The following GABRA3 variants were observed in gnomAD, a reference collection of about 807,000 sequenced individuals.
GABRA3 encodes the protein gamma-aminobutyric acid receptor subunit alpha-3.
A neutral mutation model predicts 30.1 loss-of-function variants in GABRA3; 10 were observed. The observed-to-expected ratio is 0.33, with a 90% CI of 0.20 to 0.56. The LOEUF (loss-of-function observed/expected upper bound fraction) is 0.56, where lower values mean the gene tolerates loss of function less well. Ranked by LOEUF, GABRA3 falls within the 20% of genes least tolerant of loss-of-function variation. GABRA3 has a pLI of 0.89. For missense variants in GABRA3, 233 were observed against 392.0 expected, an observed-to-expected ratio of 0.59 and a Z score of 3.42; for synonymous variants, 151 against 146.8, an observed-to-expected ratio of 1.03 and a Z score of -0.21.
At chrX:152,232,694 T>C (rs1054263514) in intron 5 of GABRA3, among the ~76,000 whole-genome samples, 4 of 108,116 alleles carry the variant, frequency 3.7e-5, no homozygotes, top group African/African-American at 1.3e-4. Context: ...TACATATATA[T>C]ATAATTTTAT....
intron 1 of GABRA3, among the ~76,000 whole-genome samples, chrX:152,415,879 CAAT>C (rs1255339897): frequency 9.0e-6 from 1 of 110,685 alleles, no homozygotes; most frequent in Admixed American, 9.7e-5. Flanking sequence ...CAGCAATTAC[CAAT>C]AATAAGATAA....
intron 7 of GABRA3, among the ~76,000 whole-genome samples, chrX:152,200,034 T>G (rs1317306285): frequency 8.9e-6 from 1 of 112,149 alleles, no homozygotes; most frequent in Non-Finnish European, 1.9e-5. Flanking sequence ...CCTTGACTCC[T>G]CTTCAATGCA....
At chrX:152,270,797 G>C (rs1938918547) in intron 4 of GABRA3, among the ~76,000 whole-genome samples, 1 of 108,055 alleles carries the variant, frequency 9.3e-6, no homozygotes, top group African/African-American at 3.4e-5. Context: ...AGAGGTTGCA[G>C]TGAGCCAAGA....
chrX:152,168,395 A>G lies in GABRA3; in HGVS notation c.1312T>C (p.Tyr438His), dbSNP rs200253695. Residue 438 changes from tyrosine to histidine, a missense_variant, in exon 10 of 10, where the codon TAC becomes CAC. Physicochemically the swap from Tyr to His is moderately conservative, Grantham distance 83. Coordinates refer to ENST00000370314, the MANE Select transcript of GABRA3 (RefSeq NM_000808.4). ...PTIIASPKATYVQDSPTETKT... is the reference protein window; with the variant it reads ...PTIIASPKATHVQDSPTETKT... Reference sequence around the variant, plus strand: ...GTCTCAGTCGGGCTGTCCTGCACGTAGGTGGCCTTGGGTGAAGCAATGATT... The same window carrying G: ...GTCTCAGTCGGGCTGTCCTGCACGTGGGTGGCCTTGGGTGAAGCAATGATT... 2 of 1,210,447 alleles carry G rather than the reference A, an allele frequency of 1.7e-6. No homozygotes were observed. Among genetic ancestry groups the G allele is most frequent in the Non-Finnish European group, 2.2e-6 (2 of 895,389 alleles).
intron 5 of GABRA3, among the ~76,000 whole-genome samples, chrX:152,235,812 C>A (rs1228885455): frequency 9.1e-6 from 1 of 110,180 alleles, no homozygotes; most frequent in Non-Finnish European, 1.9e-5. Context: ...CAATGCAATT[C>A]TTATAAAAAA....
At chrX:152,450,789 G>C (rs1191405255) in intron 1 of GABRA3, among the ~76,000 whole-genome samples, 3 of 112,486 alleles carry the variant, frequency 2.7e-5, no homozygotes, top group African/African-American at 9.7e-5. Flanking sequence ...TTTGGCTAGG[G>C]GCCACTCCGT....
intron 1 of GABRA3, chrX:152,394,600 T>C (rs962829485): frequency 9.3e-6 from 3 of 320,956 alleles, no homozygotes; most frequent in Admixed American, 6.4e-5. Flanking sequence ...TAGAAATTAA[T>C]ATACATAGTA....
intron 3 of GABRA3, among the ~76,000 whole-genome samples, chrX:152,331,532 C>A (rs1293649228): frequency 2.7e-5 from 3 of 111,712 alleles, no homozygotes; most frequent in African/African-American, 9.8e-5. Context: ...GGTGTTTGCC[C>A]AGGGACACAC....
intron 2 of GABRA3, among the ~76,000 whole-genome samples, chrX:152,362,895 T>G (rs993663647): frequency 1.8e-5 from 2 of 112,034 alleles, no homozygotes; most frequent in African/African-American, 6.5e-5. Context: ...CTGTTTGTTG[T>G]TTGTTTTGTT....
intron 1 of GABRA3, among the ~76,000 whole-genome samples, chrX:152,406,539 A>G (rs886390503): frequency 7.8e-5 from 8 of 103,188 alleles, no homozygotes; most frequent in Admixed American, 7.6e-4. Flanking sequence ...AGAGGATATT[A>G]CAATTTTAAA....
chrX:152,314,268 T>G (rs1366205464), intron 3 of GABRA3, among the ~76,000 whole-genome samples: 1 of 111,750 alleles, frequency 8.9e-6, no homozygotes, highest in African/African-American at 3.3e-5. Context: ...TCAACTACAT[T>G]TAGCTTCTTG....
chrX:152,379,740 C>T (rs780527311), intron 1 of GABRA3, among the ~76,000 whole-genome samples: 1 of 111,740 alleles, frequency 8.9e-6, no homozygotes, highest in African/African-American at 3.3e-5. Flanking sequence ...ACAATAGCCT[C>T]TTGAAGTTTT....
intron 7 of GABRA3, among the ~76,000 whole-genome samples, chrX:152,198,526 A>G (rs1051483570): frequency 2.7e-5 from 3 of 112,137 alleles, no homozygotes; most frequent in Admixed American, 9.4e-5. Context: ...TGCTAAATGT[A>G]TTAGTCAATT....
At chrX:152,406,590 A>G (rs1389367422) in intron 1 of GABRA3, among the ~76,000 whole-genome samples, 1 of 105,120 alleles carries the variant, frequency 9.5e-6, no homozygotes, top group Non-Finnish European at 1.9e-5. Context: ...ATATATATAT[A>G]TATATTTTTA....
At chrX:152,359,480 A>G (rs186987146) in intron 2 of GABRA3, among the ~76,000 whole-genome samples, 85 of 110,727 alleles carry the variant, frequency 7.7e-4, no homozygotes, top group African/African-American at 2.5e-3. Flanking sequence ...TGGTCTATCC[A>G]TCTTATTCAT....
chrX:152,216,798 CCA>C (rs998849002), intron 6 of GABRA3, among the ~76,000 whole-genome samples: 1 of 108,736 alleles, frequency 9.2e-6, no homozygotes, highest in African/African-American at 3.3e-5. Flanking sequence ...TTCAAAATAG[CCA>C]GAAGAGAGGA....
intron 3 of GABRA3, among the ~76,000 whole-genome samples, chrX:152,330,821 A>T (rs979779027): frequency 1.8e-5 from 2 of 111,423 alleles, no homozygotes; most frequent in Non-Finnish European, 3.8e-5. Context: ...CCCATTGTCC[A>T]CATGTACCCT....
intron 1 of GABRA3, among the ~76,000 whole-genome samples, chrX:152,439,107 C>T (rs1930851942): frequency 9.7e-6 from 1 of 102,638 alleles, no homozygotes; most frequent in South Asian, 4.4e-4. Context: ...CGAAACTGTT[C>T]TAAAATAAAG....
intron 5 of GABRA3, among the ~76,000 whole-genome samples, chrX:152,253,734 A>C (rs1176523591): frequency 9.0e-6 from 1 of 111,670 alleles, no homozygotes; most frequent in Non-Finnish European, 1.9e-5. Flanking sequence ...TGACCACCTC[A>C]GTCTCTTGCC....
Sources: allele counts gnomAD v4.1 joint callset (sites outside exome capture counted in the v4.1 genomes callset), GRCh38; gene constraint gnomAD v4.1.1; transcripts MANE v1.5; gene names NCBI Gene and HGNC (gene_info 2026-07-23, HGNC 2026-07-21).